Variants in WASF3 observed in about 807,000 individuals in gnomAD.
WASF3 encodes the protein WASP family member 3.
WASF3 carries 11 observed loss-of-function variants against 46.6 expected under a neutral mutation model. The observed-to-expected ratio is 0.24, with a 90% confidence interval of 0.15 to 0.39. WASF3 has a LOEUF of 0.39. Among genes scored for constraint, WASF3 ranks in the 10% least tolerant of loss-of-function variants. The pLI is 1.00. For missense variants in WASF3, 576 were observed against 669.8 expected, an observed-to-expected ratio of 0.86 and a Z score of 1.55; for synonymous variants, 242 against 259.7, an observed-to-expected ratio of 0.93 and a Z score of 0.65.
intron 1 of WASF3, among the ~76,000 whole-genome samples, chr13:26,568,631 T>A (rs1292484213): frequency 6.6e-6 from 1 of 152,186 alleles, no homozygotes; most frequent in Non-Finnish European, 1.5e-5. Context: ...TTAGGTCACA[T>A]GCCAGTGCCA....
intron 1 of WASF3, among the ~76,000 whole-genome samples, chr13:26,567,479 C>T (rs1428461567): frequency 1.3e-5 from 2 of 152,126 alleles, no homozygotes; most frequent in Non-Finnish European, 1.5e-5. Context: ...GGAATACAGA[C>T]GTGTTTGTTC....
At chr13:26,586,158 A>G (rs761068132) in intron 1 of WASF3, among the ~76,000 whole-genome samples, 1 of 152,180 alleles carries the variant, frequency 6.6e-6, no homozygotes, top group Non-Finnish European at 1.5e-5. Context: ...ATTTTTTTCA[A>G]GTAGTTTAAT....
In WASF3 at chr13:26,580,486, T is replaced by TA. The variant is rs1879943875; in HGVS notation, c.-109+22668dup. Among the ~76,000 whole-genome samples the TA allele has an allele frequency of 3.9e-5, 6 of 152,336 alleles. No individual in the cohort carries two copies. In the South Asian group the frequency reaches 1.2e-3, roughly 32 times the overall value. ...TTAATATTTCTTTTGTAGGTCCAAT[T>TA]AGCATTCAAATATTATTCCTGAAGT... On this transcript the variant is annotated intron_variant, in intron 1 of 9. Transcript: ENST00000335327.
chr13:26,558,402 C>A (rs1265577936), intron 1 of WASF3, among the ~76,000 whole-genome samples: 2 of 152,168 alleles, frequency 1.3e-5, no homozygotes, highest in African/African-American at 4.8e-5. Context: ...TGGCTCCCGG[C>A]CTCGGAGACC....
chr13:26,605,162 A>G (rs1880755796), intron 1 of WASF3, among the ~76,000 whole-genome samples: 1 of 152,204 alleles, frequency 6.6e-6, no homozygotes, highest in Non-Finnish European at 1.5e-5. Flanking sequence ...AAAACTGCTT[A>G]ATGATGCCCT....
intron 3 of WASF3, among the ~76,000 whole-genome samples, chr13:26,649,816 C>T (rs1055958615): frequency 6.6e-6 from 1 of 152,082 alleles, no homozygotes; most frequent in Admixed American, 6.5e-5. Context: ...CACGGTGGCT[C>T]ACACCTGTAA....
chr13:26,685,776 G>A lies in WASF3; in HGVS notation c.1440G>A (p.Arg480=), dbSNP rs1479873723. The part of the protein sequence containing the change: ...VGNDVATILS[R]RIAVEYSDSD... The stretch of plus-strand genomic sequence containing the variant: ...ATGACGTGGCCACGATCCTGTCCCG[G>A]CGCATTGCCGTGGAGTACAGCGACT... Residue 480 remains arginine (R), a synonymous_variant, in exon 10 of 10, where the codon CGG becomes CGA. Coordinates refer to ENST00000335327, the MANE Select transcript of WASF3 (RefSeq NM_006646.6). 1 of 1,614,220 alleles carries A rather than the reference G, an allele frequency of 6.2e-7. No individual in the cohort carries two copies. The highest frequency in any genetic ancestry group is 1.1e-5 in the South Asian group (1 of 91,084).
chr13:26,545,268 A>G, the WASF3 span, among the ~76,000 whole-genome samples: 6 of 152,220 alleles, frequency 3.9e-5, no homozygotes, highest in African/African-American at 1.4e-4. Flanking sequence ...CTTCAAGATT[A>G]TTTTGGGATA....
At position 26,570,161 on chromosome 13, in the gene WASF3, G is replaced by A. The variant is rs531746089; in HGVS notation, c.-109+12342G>A. Among the ~76,000 whole-genome samples the A allele has an allele frequency of 1.1e-3, 169 of 152,158 alleles. 1 individual carries two copies. The highest frequency in any genetic ancestry group is 2.0e-3 in the Admixed American group (30 of 15,282). Reference sequence around the variant, plus strand: ...AAATTAGCCGGGTGTCGTGGCAGGCGCCTGTAATTCCAGCTACGTGGGAGG... The same window carrying A: ...AAATTAGCCGGGTGTCGTGGCAGGCACCTGTAATTCCAGCTACGTGGGAGG... On this transcript the variant is annotated intron_variant, in intron 1 of 9. Coordinates refer to ENST00000335327, the MANE Select transcript of WASF3 (RefSeq NM_006646.6).
chr13:26,558,365 C>T (rs1426598303), intron 1 of WASF3, among the ~76,000 whole-genome samples: 1 of 152,198 alleles, frequency 6.6e-6, no homozygotes, highest in African/African-American at 2.4e-5. Flanking sequence ...TTGCGGGCGT[C>T]CTCTCCCTCG....
intron 9 of WASF3, among the ~76,000 whole-genome samples, chr13:26,684,342 G>A (rs546378103): frequency 6.6e-5 from 10 of 151,488 alleles, no homozygotes; most frequent in African/African-American, 1.9e-4. Context: ...ATCTAATCTC[G>A]AGGAAACATC....
At chr13:26,598,292 TG>T (rs1215352022) in intron 1 of WASF3, among the ~76,000 whole-genome samples, 2 of 152,214 alleles carry the variant, frequency 1.3e-5, no homozygotes, top group Non-Finnish European at 2.9e-5. Context: ...TCATATCCTT[TG>T]CCCACTTTTT....
chr13:26,559,500 G>A lies in WASF3; in HGVS notation c.-109+1681G>A, dbSNP rs1879210504. Among the ~76,000 whole-genome samples, 3 of 152,198 alleles carry A rather than the reference G, an allele frequency of 2.0e-5. No homozygotes were observed. The South Asian group carries it at 6.2e-4, about 32-fold the overall frequency. On this transcript the variant is annotated intron_variant, in intron 1 of 9. Transcript: ENST00000335327. ...AAGGTGGAACACACTTTGCTAAGTG[G>A]TCATGCCAACATTGTAACCTCCTAT...
chr13:26,564,422 C>T (rs962508027), intron 1 of WASF3, among the ~76,000 whole-genome samples: 1 of 152,228 alleles, frequency 6.6e-6, no homozygotes, highest in Non-Finnish European at 1.5e-5. Context: ...TGTCCTCTCA[C>T]AGCCTTTGTG....
chr13:26,559,187 C>A (rs778441861), intron 1 of WASF3, among the ~76,000 whole-genome samples: 3 of 152,300 alleles, frequency 2.0e-5, no homozygotes, highest in East Asian at 1.9e-4. Flanking sequence ...CTAATGACTT[C>A]AGTGTAGTAC....
At chr13:26,615,739 G>C (rs556494756) in intron 2 of WASF3, among the ~76,000 whole-genome samples, 1 of 152,260 alleles carries the variant, frequency 6.6e-6, no homozygotes, top group African/African-American at 2.4e-5. Flanking sequence ...TAGTTGAACT[G>C]GTGACCGTTG....
intron 1 of WASF3, among the ~76,000 whole-genome samples, chr13:26,584,941 A>C (rs372767868): frequency 4.1e-4 from 62 of 152,316 alleles, no homozygotes; most frequent in African/African-American, 1.5e-3. Context: ...CATGCTAACT[A>C]AATAGTTAAG....
At chr13:26,675,221 C>T (rs886170958) in intron 6 of WASF3, among the ~76,000 whole-genome samples, 6 of 152,108 alleles carry the variant, frequency 3.9e-5, no homozygotes, top group African/African-American at 9.7e-5. Flanking sequence ...TTAATGGGTT[C>T]GCATTGCTGT....
chr13:26,593,880 T>C (rs1316632438), intron 1 of WASF3, among the ~76,000 whole-genome samples: 1 of 152,222 alleles, frequency 6.6e-6, no homozygotes, highest in Non-Finnish European at 1.5e-5. Flanking sequence ...AGCTCTAACA[T>C]AGTTTGCTTT....
Sources: gnomAD v4.1 joint callset for allele counts (sites outside exome capture counted in the v4.1 genomes callset) on GRCh38, gnomAD v4.1.1 for gene constraint, MANE v1.5 for transcripts, NCBI Gene and HGNC (gene_info 2026-07-23, HGNC 2026-07-21) for gene names.